Variants in PHACTR1 observed in about 807,000 individuals in gnomAD.
PHACTR1 encodes the protein RPEL repeat containing 1.
A neutral mutation model predicts 69.2 loss-of-function variants in PHACTR1; 16 were observed. The observed-to-expected ratio is 0.23, with a 90% CI of 0.16 to 0.35. PHACTR1 has a LOEUF of 0.35. Ranked by LOEUF, PHACTR1 falls within the 10% of genes least tolerant of loss-of-function variation. PHACTR1 has a pLI of 1.00. For synonymous variants in PHACTR1, 312 were observed against 284.5 expected, an observed-to-expected ratio of 1.10 and a Z score of -0.97; for missense variants, 510 against 734.7, an observed-to-expected ratio of 0.69 and a Z score of 3.54.
intron 4 of PHACTR1, among the ~76,000 whole-genome samples, chr6:12,819,498 G>A (rs562623666): frequency 3.2e-4 from 49 of 152,190 alleles, no homozygotes; most frequent in Non-Finnish European, 6.0e-4. Context: ...AGGAAAAGCC[G>A]GGGGTTCTTC....
chr6:12,818,650 C>T (rs1477373143), intron 4 of PHACTR1, among the ~76,000 whole-genome samples: 1 of 152,096 alleles, frequency 6.6e-6, no homozygotes, highest in East Asian at 1.9e-4. Context: ...GAAAAGAATT[C>T]TTTAGTATAT....
intron 4 of PHACTR1, among the ~76,000 whole-genome samples, chr6:13,030,529 C>G (rs950750067): frequency 6.6e-6 from 1 of 152,170 alleles, no homozygotes; most frequent in Non-Finnish European, 1.5e-5. Context: ...TAGTTTTTCA[C>G]GTTTGGAATC....
At chr6:13,017,120 AG>A (rs1800289339) in intron 4 of PHACTR1, among the ~76,000 whole-genome samples, 1 of 131,522 alleles carries the variant, frequency 7.6e-6, no homozygotes, top group South Asian at 2.7e-4. Flanking sequence ...CAGGAGGTGG[AG>A]GTTGCAGTGA....
intron 5 of PHACTR1, among the ~76,000 whole-genome samples, chr6:13,055,221 T>C (rs1315534920): frequency 6.6e-6 from 1 of 152,146 alleles, no homozygotes; most frequent in Non-Finnish European, 1.5e-5. Flanking sequence ...TTTCATAAAT[T>C]TCTAAATCAT....
chr6:12,795,826 C>A (rs1157616361), intron 4 of PHACTR1, among the ~76,000 whole-genome samples: 1 of 150,754 alleles, frequency 6.6e-6, no homozygotes, highest in Non-Finnish European at 1.5e-5. Flanking sequence ...TGAAAATTTT[C>A]TTCAGGGGAA....
intron 3 of PHACTR1, among the ~76,000 whole-genome samples, chr6:12,743,411 C>T (rs150905562): frequency 6.6e-6 from 1 of 152,252 alleles, no homozygotes; most frequent in African/African-American, 2.4e-5. Flanking sequence ...TTCACATAGG[C>T]TTTTAAATTG....
chr6:12,779,144 T>A (rs1273539536), intron 4 of PHACTR1, among the ~76,000 whole-genome samples: 3 of 152,224 alleles, frequency 2.0e-5, no homozygotes, highest in African/African-American at 7.2e-5. Flanking sequence ...GAGACCAGCC[T>A]GACCAACATG....
At chr6:12,877,285 G>A (rs902789540) in intron 4 of PHACTR1, among the ~76,000 whole-genome samples, 1 of 152,190 alleles carries the variant, frequency 6.6e-6, no homozygotes, top group Non-Finnish European at 1.5e-5. Flanking sequence ...TTGTGTGATT[G>A]TCACACCTGT....
intron 7 of PHACTR1, among the ~76,000 whole-genome samples, chr6:13,201,386 G>A (rs770419347): frequency 5.9e-5 from 9 of 152,188 alleles, no homozygotes; most frequent in Non-Finnish European, 1.3e-4. Flanking sequence ...GAGAAGGAGC[G>A]TGGTTATCGG....
At chr6:13,011,567 A>T (rs1799451875) in intron 4 of PHACTR1, among the ~76,000 whole-genome samples, 1 of 152,248 alleles carries the variant, frequency 6.6e-6, no homozygotes. Context: ...CCCGTTGGCC[A>T]ATTAAGATAG....
At chr6:13,265,795 C>T (rs1475926211) in intron 10 of PHACTR1, among the ~76,000 whole-genome samples, 1 of 152,198 alleles carries the variant, frequency 6.6e-6, no homozygotes, top group Non-Finnish European at 1.5e-5. Context: ...CTCCCCTCCC[C>T]AGAATCCATG....
intron 5 of PHACTR1, among the ~76,000 whole-genome samples, chr6:13,110,665 CTG>C (rs953453484): frequency 2.6e-5 from 4 of 152,192 alleles, no homozygotes; most frequent in Non-Finnish European, 5.9e-5. Flanking sequence ...ATTCCCATTC[CTG>C]TACCACAGAC....
At chr6:13,165,267 A>G (rs551942932) in intron 6 of PHACTR1, among the ~76,000 whole-genome samples, 1 of 152,364 alleles carries the variant, frequency 6.6e-6, no homozygotes, top group Non-Finnish European at 1.5e-5. Context: ...TGTTAAACCA[A>G]TTAATGGTGT....
intron 5 of PHACTR1, among the ~76,000 whole-genome samples, chr6:13,100,763 G>A (rs1047412695): frequency 5.3e-5 from 8 of 152,206 alleles, no homozygotes; most frequent in African/African-American, 1.9e-4. Context: ...TCTGCAGAAT[G>A]TAAGACGATT....
intron 5 of PHACTR1, among the ~76,000 whole-genome samples, chr6:13,128,392 A>C (rs893325757): frequency 6.6e-6 from 1 of 151,378 alleles, no homozygotes; most frequent in Non-Finnish European, 1.5e-5. Context: ...AACTTAAATA[A>C]ATTTTTTTTT....
chr6:13,251,752 A>G (rs1429069346), intron 10 of PHACTR1, among the ~76,000 whole-genome samples: 3 of 150,150 alleles, frequency 2.0e-5, no homozygotes, highest in Non-Finnish European at 4.4e-5. Context: ...CAAGCCATTG[A>G]GTAGATTAGC....
chr6:13,066,301 A>G (rs1394408039), intron 5 of PHACTR1, among the ~76,000 whole-genome samples: 2 of 152,204 alleles, frequency 1.3e-5, no homozygotes, highest in African/African-American at 4.8e-5. Context: ...CCGGATAAGT[A>G]CATGTTGAAC....
rs114164912 is a variant in PHACTR1 at position 13,230,270 on chromosome 6, G to T, written c.1391+77G>T. Reference sequence around the variant, plus strand: ...GGTTCTAGCAAAAGAATTCAGTCTCGGCCGGGCGCAGTAGCTTATGCCTGT... The same window carrying T: ...GGTTCTAGCAAAAGAATTCAGTCTCTGCCGGGCGCAGTAGCTTATGCCTGT... On this transcript the variant is annotated intron_variant, in intron 10 of 14. Coordinates refer to ENST00000332995, the MANE Select transcript of PHACTR1 (RefSeq NM_030948.6). The T allele has an allele frequency of 1.1e-3, 1,686 of 1,550,590 alleles. 12 individuals carry two copies. The African/African-American group carries it at 0.02, about 18-fold the overall frequency.
At chr6:13,089,852 G>A (rs1317992679) in intron 5 of PHACTR1, among the ~76,000 whole-genome samples, 5 of 152,184 alleles carry the variant, frequency 3.3e-5, no homozygotes, top group African/African-American at 4.8e-5. Flanking sequence ...GGAGGCCAGA[G>A]GAAAATGCAG....
Sources: allele counts gnomAD v4.1 joint callset (sites outside exome capture counted in the v4.1 genomes callset), GRCh38; gene constraint gnomAD v4.1.1; transcripts MANE v1.5; gene names NCBI Gene and HGNC (gene_info 2026-07-23, HGNC 2026-07-21).